The following POLR3B variants were observed in gnomAD, a reference collection of about 807,000 sequenced individuals.
The protein encoded by POLR3B is DNA-directed RNA polymerase III subunit RPC2.
A neutral mutation model predicts 147.4 loss-of-function variants in POLR3B; 96 were observed. The ratio of observed to expected loss-of-function variants is 0.65; its 90% CI spans 0.55 to 0.77. POLR3B has a LOEUF of 0.77. Ranked by LOEUF, POLR3B falls within the 30% of genes least tolerant of loss-of-function variation. The pLI is 0.00. For synonymous variants in POLR3B, 461 were observed against 485.9 expected (o/e 0.95, Z 0.67); for missense variants, 1,036 against 1,413.5 (o/e 0.73, Z 4.28).
intron 27 of POLR3B, among the ~76,000 whole-genome samples, chr12:106,505,592 A>G (rs1592784224): frequency 6.6e-6 from 1 of 152,012 alleles, no homozygotes; most frequent in African/African-American, 2.4e-5. Flanking sequence ...TGAGTTCTTT[A>G]CTTACTTTTC....
At chr12:106,490,539 C>A (rs1232025790) in intron 23 of POLR3B, among the ~76,000 whole-genome samples, 39 of 152,118 alleles carry the variant, frequency 2.6e-4, no homozygotes, top group Admixed American at 2.6e-3. Context: ...AAAATTATGT[C>A]AACCGGTATA....
At chr12:106,492,693 A>C (rs1431234806) in intron 23 of POLR3B, among the ~76,000 whole-genome samples, 3 of 152,252 alleles carry the variant, frequency 2.0e-5, no homozygotes, top group Middle Eastern at 3.2e-3. Context: ...CAGTGTCTGA[A>C]GCATGATACA....
chr12:106,381,662 A>T (rs1404680571), intron 9 of POLR3B, among the ~76,000 whole-genome samples: 1 of 152,162 alleles, frequency 6.6e-6, no homozygotes, highest in African/African-American at 2.4e-5. Flanking sequence ...ATCCTTGAGG[A>T]TGGGAATCAG....
At chr12:106,498,284 G>T (rs962406663) in intron 25 of POLR3B, among the ~76,000 whole-genome samples, 1 of 152,140 alleles carries the variant, frequency 6.6e-6, no homozygotes. Flanking sequence ...GCCTGGCTGC[G>T]GTGCAGTGAA....
intron 23 of POLR3B, among the ~76,000 whole-genome samples, chr12:106,487,743 T>C (rs1348338527): frequency 6.6e-6 from 1 of 152,190 alleles, no homozygotes. Flanking sequence ...GGTGGTAGGA[T>C]AATTAGTAGC....
intron 9 of POLR3B, among the ~76,000 whole-genome samples, chr12:106,387,836 T>C (rs549597799): frequency 6.6e-6 from 1 of 152,326 alleles, no homozygotes; most frequent in African/African-American, 2.4e-5. Flanking sequence ...AGAGTTGCTG[T>C]GAAGAGCAAA....
intron 22 of POLR3B, among the ~76,000 whole-genome samples, chr12:106,461,811 C>G (rs994950931): frequency 2.6e-5 from 4 of 152,160 alleles, no homozygotes; most frequent in Admixed American, 2.0e-4. Context: ...CCCATCCTGC[C>G]TGGCCTTGTG....
rs370156173 is a variant in POLR3B, at chr12:106,378,413, G to A, written c.614+29G>A. Reference sequence around the variant, plus strand: ...TGGAAAGCAGAGATGGTGTCCTTAAGCAATATTGGTCATTCCATTAGTCCT... The same window carrying A: ...TGGAAAGCAGAGATGGTGTCCTTAAACAATATTGGTCATTCCATTAGTCCT... On this transcript the variant is annotated intron_variant, in intron 8 of 27. Transcript: ENST00000228347. 1.0e-5 allele frequency: 14 copies of A among 1,368,618 alleles called. No homozygotes were observed. In the African/African-American group the frequency reaches 1.9e-4, roughly 18 times the overall value. The allele number at this position is 1,368,618 out of a possible 1,614,324, so 84.8% of individuals were successfully genotyped here. A position where few individuals can be genotyped will look rare whatever the true frequency, so the allele number is the denominator to read the frequency against.
At chr12:106,370,674 C>T (rs1216544581) in intron 6 of POLR3B, among the ~76,000 whole-genome samples, 3 of 149,428 alleles carry the variant, frequency 2.0e-5, no homozygotes, top group Non-Finnish European at 3.0e-5. Context: ...CTCTGTTACC[C>T]AGGCTGGAGT....
chr12:106,495,945 G>T (rs2038474747), intron 23 of POLR3B, 110 bp from the exon 24 acceptor site: 1 of 790,038 alleles, frequency 1.3e-6, no homozygotes, highest in African/African-American at 1.7e-5. Context: ...CCATGGGGAA[G>T]ATTTTAGAGC....
chr12:106,493,797 G>C (rs921118602), intron 23 of POLR3B, among the ~76,000 whole-genome samples: 1 of 152,250 alleles, frequency 6.6e-6, no homozygotes, highest in Non-Finnish European at 1.5e-5. Flanking sequence ...CTGGCTTTCT[G>C]TGTCGATTTC....
intron 19 of POLR3B, among the ~76,000 whole-genome samples, chr12:106,449,434 A>G (rs924512129): frequency 6.6e-6 from 1 of 152,160 alleles, no homozygotes; most frequent in Admixed American, 6.5e-5. Flanking sequence ...CTCACAGTTG[A>G]AAATCTGTGT....
intron 26 of POLR3B, among the ~76,000 whole-genome samples, chr12:106,503,764 T>C (rs2038640416): frequency 6.6e-6 from 1 of 152,268 alleles, no homozygotes; most frequent in African/African-American, 2.4e-5. Context: ...ATGATAGTGA[T>C]GGTAATAGTA....
At position 106,376,670 on chromosome 12, in the gene POLR3B, T is replaced by C. The variant is rs181554485; in HGVS notation, c.496+220T>C. On this transcript the variant is annotated intron_variant, in intron 7 of 27. Transcript: ENST00000228347. ...TCTCACTCTGTCATCTAAGCTGGAGTGCAGTGGTGTGATCTCAGCTCACTG... is the reference window on the plus strand; with the variant it reads ...TCTCACTCTGTCATCTAAGCTGGAGCGCAGTGGTGTGATCTCAGCTCACTG... 1.1e-3 allele frequency among the ~76,000 whole-genome samples: 159 copies of C among 151,190 alleles called. 1 individual carries two copies. The highest frequency in any genetic ancestry group is 1.8e-3 in the Non-Finnish European group (120 of 67,964).
chr12:106,426,322 G>A (rs1025817646), intron 12 of POLR3B, among the ~76,000 whole-genome samples: 19 of 150,752 alleles, frequency 1.3e-4, no homozygotes, highest in Non-Finnish European at 5.9e-5. Context: ...CGCAATCTCG[G>A]CTCACTGCAA....
intron 9 of POLR3B, among the ~76,000 whole-genome samples, chr12:106,386,998 A>C (rs1461067768): frequency 6.6e-6 from 1 of 152,334 alleles, no homozygotes; most frequent in South Asian, 2.1e-4. Flanking sequence ...CACACAGCTG[A>C]CTTAAATCCT....
chr12:106,442,074 C>A (rs2037658852), intron 18 of POLR3B, among the ~76,000 whole-genome samples: 1 of 128,788 alleles, frequency 7.8e-6, no homozygotes, highest in South Asian at 2.3e-4. Context: ...GAGCGAAAAT[C>A]CGCCTCAAAA....
chr12:106,416,723 A>G (rs1328581757), intron 12 of POLR3B, among the ~76,000 whole-genome samples: 6 of 152,118 alleles, frequency 3.9e-5, no homozygotes, highest in Non-Finnish European at 8.8e-5. Context: ...CCTCCATGGA[A>G]TTCATAAGCA....
At position 106,390,268 on chromosome 12, in the gene POLR3B, C is replaced by T. The variant is rs1192031377; in HGVS notation, c.724-2763C>T. On this transcript the variant is annotated intron_variant, in intron 9 of 27. Coordinates refer to ENST00000228347, the MANE Select transcript of POLR3B (RefSeq NM_018082.6). ...AAAAACAAGCAGAAAAACTCTCTCC[C>T]CCCCCAGTTTTTTTTTAAGTTTCAT... Among the ~76,000 whole-genome samples the T allele has an allele frequency of 3.1e-4, 29 of 94,562 alleles. No homozygotes were observed. In the East Asian group the frequency reaches 0.011, roughly 36 times the overall value. 62.0% of individuals were successfully genotyped at this position (94,562 alleles called of 152,430 possible).
Sources: gnomAD v4.1 joint callset for allele counts (sites outside exome capture counted in the v4.1 genomes callset) on GRCh38, gnomAD v4.1.1 for gene constraint, MANE v1.5 for transcripts, NCBI Gene and HGNC (gene_info 2026-07-23, HGNC 2026-07-21) for gene names.